Variants in MAGI1 observed in about 807,000 individuals in gnomAD.
MAGI1 encodes membrane associated guanylate kinase, WW and PDZ domain containing 1.
A neutral mutation model predicts 139.9 loss-of-function variants in MAGI1; 58 were observed. The ratio of observed to expected loss-of-function variants is 0.41; its 90% CI spans 0.34 to 0.52. MAGI1 has a LOEUF of 0.52. MAGI1 is among the 20% of genes least tolerant of loss of function. The pLI is 0.12. For missense variants in MAGI1, 1,874 were observed against 1,901.6 expected, an observed-to-expected ratio of 0.99 and a Z score of 0.27; for synonymous variants, 812 against 737.9, an observed-to-expected ratio of 1.10 and a Z score of -1.63.
At chr3:65,704,769 A>G (rs1445248364) in intron 1 of MAGI1, among the ~76,000 whole-genome samples, 1 of 151,982 alleles carries the variant, frequency 6.6e-6, no homozygotes, top group East Asian at 1.9e-4. Flanking sequence ...AGTAGCTAAC[A>G]CTTTGTAGAA....
chr3:65,400,430 C>T (rs1025583550), intron 13 of MAGI1, among the ~76,000 whole-genome samples: 3 of 152,078 alleles, frequency 2.0e-5, no homozygotes, highest in African/African-American at 7.2e-5. Context: ...CGCCGTAAGC[C>T]GCAAAGTTTT....
intron 1 of MAGI1, among the ~76,000 whole-genome samples, chr3:65,940,425 G>T (rs557567655): frequency 3.6e-4 from 55 of 152,296 alleles, no homozygotes; most frequent in African/African-American, 1.2e-3. Context: ...CCTCTTCTGG[G>T]ATATGGACTG....
intron 2 of MAGI1, among the ~76,000 whole-genome samples, chr3:65,515,053 G>A (rs963464907): frequency 4.9e-5 from 7 of 142,374 alleles, no homozygotes; most frequent in African/African-American, 1.1e-4. Flanking sequence ...GTAAACTATC[G>A]CAAGAGCAAA....
At chr3:65,819,578 CA>C (rs927554941) in intron 1 of MAGI1, among the ~76,000 whole-genome samples, 14 of 150,860 alleles carry the variant, frequency 9.3e-5, no homozygotes, top group Non-Finnish European at 1.5e-5. Context: ...AGCATTAAGG[CA>C]AAAAAAAGTA....
chr3:65,608,051 T>C (rs1023762809), intron 2 of MAGI1, among the ~76,000 whole-genome samples: 1 of 152,192 alleles, frequency 6.6e-6, no homozygotes, highest in Non-Finnish European at 1.5e-5. Flanking sequence ...TCAAAAAGGT[T>C]AGACAACCAG....
At chr3:65,464,246 C>A (rs1476311641) in intron 5 of MAGI1, among the ~76,000 whole-genome samples, 1 of 151,736 alleles carries the variant, frequency 6.6e-6, no homozygotes, top group Non-Finnish European at 1.5e-5. Flanking sequence ...TTGACAATTT[C>A]TCCTCTTACC....
intron 3 of MAGI1, among the ~76,000 whole-genome samples, chr3:65,488,142 C>A (rs1285001807): frequency 6.6e-6 from 1 of 152,064 alleles, no homozygotes; most frequent in Admixed American, 6.5e-5. Context: ...ATCATCACAT[C>A]GTTCTCTGTG....
intron 1 of MAGI1, among the ~76,000 whole-genome samples, chr3:65,825,043 G>A (rs1049502192): frequency 6.6e-6 from 1 of 152,208 alleles, no homozygotes; most frequent in Admixed American, 6.5e-5. Flanking sequence ...GAAGAGGGAA[G>A]AGTAACTTAT....
intron 12 of MAGI1, among the ~76,000 whole-genome samples, chr3:65,402,555 T>C (rs1412972387): frequency 6.6e-6 from 1 of 152,202 alleles, no homozygotes; most frequent in African/African-American, 2.4e-5. Context: ...ATTCTATCTG[T>C]ATAAAGCACA....
At chr3:65,567,191 G>T (rs974088326) in intron 2 of MAGI1, among the ~76,000 whole-genome samples, 5 of 151,962 alleles carry the variant, frequency 3.3e-5, no homozygotes, top group African/African-American at 1.2e-4. Flanking sequence ...GGTTTTAAAA[G>T]ATGAGCTTTT....
At chr3:65,683,787 A>G (rs1031903639) in intron 1 of MAGI1, among the ~76,000 whole-genome samples, 1 of 151,968 alleles carries the variant, frequency 6.6e-6, no homozygotes, top group African/African-American at 2.4e-5. Context: ...AAATGAAAAT[A>G]TTGACGCCAC....
At chr3:65,547,239 T>G (rs2079548583) in intron 2 of MAGI1, among the ~76,000 whole-genome samples, 1 of 152,198 alleles carries the variant, frequency 6.6e-6, no homozygotes. Context: ...ACTCTTACAG[T>G]GGCTTAGATA....
intron 1 of MAGI1, among the ~76,000 whole-genome samples, chr3:65,926,328 T>TCTCTCC (rs1576090665): frequency 1.7e-4 from 2 of 12,110 alleles, no homozygotes. Context: ...AGTCTTCTTT[T>TCTCTCC]CTCTCTCTCT....
chr3:65,697,413 C>T (rs1231797797), intron 1 of MAGI1, among the ~76,000 whole-genome samples: 2 of 147,486 alleles, frequency 1.4e-5, no homozygotes, highest in African/African-American at 2.5e-5. Flanking sequence ...CAGGCAGAGA[C>T]ACAACCAAAA....
At chr3:65,698,687 A>C (rs1439070851) in intron 1 of MAGI1, among the ~76,000 whole-genome samples, 1 of 151,466 alleles carries the variant, frequency 6.6e-6, no homozygotes, top group African/African-American at 2.4e-5. Context: ...AGAAAGCTGA[A>C]ACTGGATCCC....
chr3:65,361,463 C>T (rs920595347), intron 21 of MAGI1, 126 bp from the exon 22 acceptor site: 29 of 841,992 alleles, frequency 3.4e-5, no homozygotes, highest in African/African-American at 2.6e-4. Context: ...AACAGAAATC[C>T]CTGCCCTCAT....
intron 2 of MAGI1, among the ~76,000 whole-genome samples, chr3:65,526,881 T>A (rs1316356734): frequency 6.6e-6 from 1 of 152,126 alleles, no homozygotes; most frequent in African/African-American, 2.4e-5. Context: ...TTGCCATCAA[T>A]CATTAACAGT....
At chr3:65,918,857 C>G (rs1393431078) in intron 1 of MAGI1, among the ~76,000 whole-genome samples, 1 of 151,444 alleles carries the variant, frequency 6.6e-6, no homozygotes, top group Non-Finnish European at 1.5e-5. Context: ...AGAATGCTTA[C>G]AAAAAGTTAA....
chr3:65,809,410 C>T (rs896877672), intron 1 of MAGI1, among the ~76,000 whole-genome samples: 4 of 152,152 alleles, frequency 2.6e-5, no homozygotes, highest in Non-Finnish European at 1.5e-5. Context: ...AGTTCTCCAA[C>T]GTCATCCATT....
Sources: gnomAD v4.1 joint callset for allele counts (sites outside exome capture counted in the v4.1 genomes callset) on GRCh38, gnomAD v4.1.1 for gene constraint, MANE v1.5 for transcripts, NCBI Gene and HGNC (gene_info 2026-07-23, HGNC 2026-07-21) for gene names.